The following INTS8 variants were observed in gnomAD, a reference collection of about 807,000 sequenced individuals.
The protein encoded by INTS8 is protein kaonashi-1.
Under a neutral mutation model 138.9 loss-of-function variants are expected in INTS8, and 47 were observed. That is an observed-to-expected ratio of 0.34 (90% CI 0.27 to 0.43). The LOEUF (loss-of-function observed/expected upper bound fraction) is 0.43. Ranked by LOEUF, INTS8 falls within the 20% of genes least tolerant of loss-of-function variation. The pLI is 1.00. For missense variants in INTS8, 996 were observed against 1,173.0 expected, an observed-to-expected ratio of 0.85 and a Z score of 2.20; for synonymous variants, 392 against 400.9, an observed-to-expected ratio of 0.98 and a Z score of 0.27.
intron 26 of INTS8, among the ~76,000 whole-genome samples, chr8:94,878,362 C>T (rs1816642034): frequency 1.3e-5 from 2 of 152,154 alleles, no homozygotes; most frequent in South Asian, 4.1e-4. Context: ...TTGAGATATA[C>T]CAGTGAAGAC....
chr8:94,849,144 G>C (rs1815440082), intron 10 of INTS8, among the ~76,000 whole-genome samples: 1 of 151,918 alleles, frequency 6.6e-6, no homozygotes, highest in Non-Finnish European at 1.5e-5. Flanking sequence ...AGGAGCTACT[G>C]ATTTCTATGG....
chr8:94,848,934 G>T lies in INTS8; in HGVS notation c.1261-528G>T, dbSNP rs565860249. 4.6e-5 allele frequency among the ~76,000 whole-genome samples: 7 copies of T among 152,046 alleles called. No individual in the cohort carries two copies. The East Asian group carries it at 1.4e-3, about 29-fold the overall frequency. ...ACATAATATGAAAATATTATTTGTA[G>T]ATAACTAATATGACCATAACTAGTT... On this transcript the variant is annotated intron_variant, in intron 10 of 26. Coordinates refer to ENST00000523731, the MANE Select transcript of INTS8 (RefSeq NM_017864.4).
At chr8:94,866,969 C>T (rs538636070) in intron 18 of INTS8, 171 bp from the exon 19 acceptor site, 3 of 563,478 alleles carry the variant, frequency 5.3e-6, no homozygotes, top group African/African-American at 3.8e-5. Flanking sequence ...CCCGCCCCCA[C>T]ATGCGATTAA....
chr8:94,869,242 A>G (rs1816298765), intron 20 of INTS8, among the ~76,000 whole-genome samples: 1 of 151,762 alleles, frequency 6.6e-6, no homozygotes, highest in Non-Finnish European at 1.5e-5. Context: ...CAGCCTCCCA[A>G]AGTGCTGGGA....
At chr8:94,847,222 A>G (rs974213935) in intron 10 of INTS8, among the ~76,000 whole-genome samples, 5 of 151,982 alleles carry the variant, frequency 3.3e-5, no homozygotes, top group Non-Finnish European at 5.9e-5. Context: ...TTGTAGTTTT[A>G]TTAGAGACGG....
At position 94,861,293 on chromosome 8, in the gene INTS8, G is replaced by T. The variant is rs1184338094; in HGVS notation, c.2076+1661G>T. 2.1e-5 allele frequency among the ~76,000 whole-genome samples: 2 copies of T among 96,284 alleles called. 1 individual carries two copies. Among genetic ancestry groups the T allele is most frequent in the Admixed American group, 2.4e-4 (2 of 8,458 alleles). The allele number at this position is 96,284 out of a possible 152,430, so 63.2% of individuals were successfully genotyped here. On this transcript the variant is annotated intron_variant, in intron 16 of 26. Coordinates refer to ENST00000523731, the MANE Select transcript of INTS8 (RefSeq NM_017864.4). Reference sequence around the variant, plus strand: ...TTTTTTTTTTTTGAGACGGAGTCTCGCTCTGTCGCCCAGGCTGGAGTGCAG... The same window carrying T: ...TTTTTTTTTTTTGAGACGGAGTCTCTCTCTGTCGCCCAGGCTGGAGTGCAG...
At chr8:94,857,792 A>T (rs535301082) in intron 15 of INTS8, among the ~76,000 whole-genome samples, 3 of 152,240 alleles carry the variant, frequency 2.0e-5, no homozygotes, top group Non-Finnish European at 4.4e-5. Context: ...ACTTCATCAT[A>T]GCTAATTACA....
intron 6 of INTS8, among the ~76,000 whole-genome samples, chr8:94,834,908 C>G (rs1814867813): frequency 6.6e-6 from 1 of 151,998 alleles, no homozygotes; most frequent in Non-Finnish European, 1.5e-5. Flanking sequence ...GTATCTGTTG[C>G]CAAAGGTTGG....
intron 8 of INTS8, 146 bp from the exon 9 acceptor site, chr8:94,841,345 G>A: frequency 2.1e-6 from 1 of 467,986 alleles, no homozygotes; most frequent in Non-Finnish European, 3.8e-6. Flanking sequence ...TCAAATTTTA[G>A]AATTTTAGGA....
chr8:94,869,781 G>A (rs556933076), intron 20 of INTS8, among the ~76,000 whole-genome samples: 20 of 152,240 alleles, frequency 1.3e-4, no homozygotes, highest in Non-Finnish European at 2.2e-4. Flanking sequence ...ATGAGCCACT[G>A]CGCCCCACCT....
intron 6 of INTS8, among the ~76,000 whole-genome samples, chr8:94,833,857 C>T (rs188451908): frequency 3.9e-5 from 6 of 152,230 alleles, no homozygotes; most frequent in South Asian, 2.1e-4. Context: ...CCACAACCTC[C>T]GCCTCCCAGG....
Position 94,876,032 on chromosome 8 carries a change from C to T in INTS8, c.2689-42C>T, listed in dbSNP as rs1248254204. ...TTCAAGATTACCTTGTAAAACCAAGCTTTCATTACATGAAACCATTTTCAA... is the reference window on the plus strand; with the variant it reads ...TTCAAGATTACCTTGTAAAACCAAGTTTTCATTACATGAAACCATTTTCAA... On this transcript the variant is annotated intron_variant, in intron 23 of 26. Coordinates refer to ENST00000523731, the MANE Select transcript of INTS8 (RefSeq NM_017864.4). 3 of 1,291,982 alleles carry T rather than the reference C, an allele frequency of 2.3e-6. No homozygotes were observed. In the African/African-American group the frequency reaches 4.3e-5, roughly 19 times the overall value. 80.0% of individuals were successfully genotyped at this position (1,291,982 alleles called of 1,614,324 possible).
At chr8:94,840,990 G>C (rs1334929348) in intron 8 of INTS8, among the ~76,000 whole-genome samples, 1 of 150,290 alleles carries the variant, frequency 6.7e-6, no homozygotes, top group African/African-American at 2.5e-5. Flanking sequence ...TCAGCTCAAA[G>C]CAACCTCCGC....
At chr8:94,825,214 C>T (rs1007408753) in intron 2 of INTS8, 147 bp downstream of exon 2, 16 of 510,622 alleles carry the variant, frequency 3.1e-5, no homozygotes, top group Non-Finnish European at 5.2e-5. Context: ...ACTTTGGGGG[C>T]CAAGGCTGGC....
intron 14 of INTS8, 69 bp from the exon 15 acceptor site, chr8:94,856,708 C>A: frequency 7.8e-7 from 1 of 1,285,438 alleles, no homozygotes; most frequent in Non-Finnish European, 1.1e-6. Context: ...TTTGCTCTGT[C>A]AACATAAAGG....
intron 15 of INTS8, 103 bp from the exon 16 acceptor site, chr8:94,859,408 C>A: frequency 8.6e-7 from 1 of 1,165,326 alleles, no homozygotes; most frequent in Non-Finnish European, 1.2e-6. Context: ...GCCACCATAC[C>A]CGTCCTGTTT....
intron 20 of INTS8, among the ~76,000 whole-genome samples, chr8:94,869,163 GTAGAGACAGGTTTCT>G (rs1816294281): frequency 6.6e-6 from 1 of 151,564 alleles, no homozygotes; most frequent in South Asian, 2.1e-4. Context: ...TGTATTTTTA[GTAGAGACAGGTTTCT>G]TCATGTTGGT....
Position 94,827,501 on chromosome 8 carries a change from G to T in INTS8, c.446+98G>T, listed in dbSNP as rs1814553247. 3 of 1,403,450 alleles carry T rather than the reference G, an allele frequency of 2.1e-6. No homozygotes were observed. In the South Asian group the frequency reaches 3.8e-5, roughly 18 times the overall value. The allele number at this position is 1,403,450 out of a possible 1,614,324, so 86.9% of individuals were successfully genotyped here. A position where few individuals can be genotyped will look rare whatever the true frequency, so the allele number is the denominator to read the frequency against. On this transcript the variant is annotated intron_variant, in intron 3 of 26. Coordinates refer to ENST00000523731, the MANE Select transcript of INTS8 (RefSeq NM_017864.4). ...CTTTTAATGGACCCATTCTGCTGCA[G>T]GGATTTTTCAAATCTGGGGAACTGT...
intron 10 of INTS8, among the ~76,000 whole-genome samples, chr8:94,845,106 A>AT (rs1183976470): frequency 6.6e-6 from 1 of 151,814 alleles, no homozygotes; most frequent in Non-Finnish European, 1.5e-5. Context: ...AAATTTACCG[A>AT]TTTTTTTCCG....
Sources: allele counts gnomAD v4.1 joint callset (sites outside exome capture counted in the v4.1 genomes callset), GRCh38; gene constraint gnomAD v4.1.1; transcripts MANE v1.5; gene names NCBI Gene and HGNC (gene_info 2026-07-23, HGNC 2026-07-21).